Variants in SLC9A9 observed in about 807,000 individuals in gnomAD.
SLC9A9 encodes the protein solute carrier family 9 member A9, also known as sodium/hydrogen exchanger 9.
A neutral mutation model predicts 77.8 loss-of-function variants in SLC9A9; 62 were observed. The observed-to-expected ratio is 0.80, with a 90% CI of 0.65 to 0.98. The LOEUF (loss-of-function observed/expected upper bound fraction) is 0.98, where lower values mean the gene tolerates loss of function less well. SLC9A9 is among the 50% of genes least tolerant of loss of function. SLC9A9 has a pLI of 0.00. For missense variants in SLC9A9, 775 were observed against 774.9 expected, an observed-to-expected ratio of 1.00 and a Z score of 0.00; for synonymous variants, 320 against 283.5, an observed-to-expected ratio of 1.13 and a Z score of -1.29.
At chr3:143,673,693 C>T (rs1202477550) in intron 5 of SLC9A9, among the ~76,000 whole-genome samples, 1 of 151,734 alleles carries the variant, frequency 6.6e-6, no homozygotes, top group Non-Finnish European at 1.5e-5. Context: ...TAATCCAAAA[C>T]AGAGACTAGT....
At chr3:143,350,810 T>A (rs957061545) in intron 14 of SLC9A9, among the ~76,000 whole-genome samples, 2 of 152,316 alleles carry the variant, frequency 1.3e-5, no homozygotes, top group Admixed American at 6.5e-5. Flanking sequence ...TCAAACTCAT[T>A]GCTCTGTCCA....
chr3:143,564,395 A>G (rs2037135348), intron 8 of SLC9A9, among the ~76,000 whole-genome samples: 2 of 152,218 alleles, frequency 1.3e-5, no homozygotes, highest in African/African-American at 2.4e-5. Flanking sequence ...AATATTGATT[A>G]TATCACCAGA....
chr3:143,311,851 G>T (rs757989984), intron 14 of SLC9A9, among the ~76,000 whole-genome samples: 2 of 152,142 alleles, frequency 1.3e-5, no homozygotes, highest in Non-Finnish European at 2.9e-5. Context: ...GAAAAGTGAG[G>T]ACTGTTATTC....
chr3:143,518,486 T>G (rs1387132035), intron 9 of SLC9A9, among the ~76,000 whole-genome samples: 1 of 152,246 alleles, frequency 6.6e-6, no homozygotes, highest in Non-Finnish European at 1.5e-5. Context: ...TGCTCTTTAC[T>G]CCTCTGGGAT....
chr3:143,569,537 G>T (rs1017522475), intron 8 of SLC9A9, among the ~76,000 whole-genome samples: 1 of 152,020 alleles, frequency 6.6e-6, no homozygotes, highest in African/African-American at 2.4e-5. Context: ...ACTTTTAAAA[G>T]AAATTATACA....
At chr3:143,321,302 G>A (rs771701110) in intron 14 of SLC9A9, among the ~76,000 whole-genome samples, 1 of 152,216 alleles carries the variant, frequency 6.6e-6, no homozygotes, top group South Asian at 2.1e-4. Flanking sequence ...GAGCAAGGCA[G>A]TATGTTTTTA....
chr3:143,662,759 C>T (rs1395128583), intron 5 of SLC9A9, among the ~76,000 whole-genome samples: 1 of 152,004 alleles, frequency 6.6e-6, no homozygotes, highest in African/African-American at 2.4e-5. Flanking sequence ...GGAGGGGTGT[C>T]TGCCATTGCT....
intron 4 of SLC9A9, among the ~76,000 whole-genome samples, chr3:143,782,148 A>G (rs914192224): frequency 2.0e-5 from 3 of 152,242 alleles, no homozygotes; most frequent in Non-Finnish European, 4.4e-5. Context: ...TCTTGTGGAT[A>G]TGAATTATAC....
At chr3:143,520,698 C>G (rs2036281631) in intron 9 of SLC9A9, among the ~76,000 whole-genome samples, 1 of 152,110 alleles carries the variant, frequency 6.6e-6, no homozygotes, top group African/African-American at 2.4e-5. Context: ...TTCCCAAGAG[C>G]ACAAAACTAG....
intron 5 of SLC9A9, among the ~76,000 whole-genome samples, chr3:143,663,611 G>C (rs2039015776): frequency 6.6e-6 from 1 of 152,130 alleles, no homozygotes; most frequent in South Asian, 2.1e-4. Context: ...CCAGTGTAGA[G>C]AAGACCTTAA....
At chr3:143,572,930 CT>C (rs1301277120) in intron 8 of SLC9A9, among the ~76,000 whole-genome samples, 1 of 152,184 alleles carries the variant, frequency 6.6e-6, no homozygotes, top group Non-Finnish European at 1.5e-5. Context: ...CCTACCTACC[CT>C]TAGAGGTCCG....
chr3:143,312,518 C>G (rs530174879), intron 14 of SLC9A9, among the ~76,000 whole-genome samples: 28 of 152,346 alleles, frequency 1.8e-4, no homozygotes, highest in Admixed American at 1.2e-3. Flanking sequence ...CTTACCAGGC[C>G]AGAGGGTGAG....
chr3:143,518,032 C>G, intron 9 of SLC9A9: 1 of 1,436,340 alleles, frequency 7.0e-7, no homozygotes, highest in Non-Finnish European at 9.7e-7. Context: ...TTAAGTCTTC[C>G]TCCACCTTCT....
At chr3:143,777,679 A>C (rs2007735972) in intron 4 of SLC9A9, among the ~76,000 whole-genome samples, 1 of 151,344 alleles carries the variant, frequency 6.6e-6, no homozygotes, top group South Asian at 2.1e-4. Context: ...TTAGTTTATT[A>C]ATTAGTATTA....
intron 4 of SLC9A9, among the ~76,000 whole-genome samples, chr3:143,698,690 C>G (rs1458759107): frequency 2.0e-5 from 3 of 151,536 alleles, no homozygotes; most frequent in Non-Finnish European, 4.4e-5. Flanking sequence ...AGGAATCCTC[C>G]TCCTCCTCCC....
chr3:143,490,772 G>C (rs1390772024), intron 11 of SLC9A9, among the ~76,000 whole-genome samples: 1 of 152,084 alleles, frequency 6.6e-6, no homozygotes, highest in Non-Finnish European at 1.5e-5. Flanking sequence ...CCAATGAAAG[G>C]GCTCAGGAAG....
At chr3:143,795,467 A>C (rs1039569850) in intron 3 of SLC9A9, among the ~76,000 whole-genome samples, 3 of 111,224 alleles carry the variant, frequency 2.7e-5, no homozygotes, top group African/African-American at 2.7e-5. Context: ...TAGCATTAAA[A>C]CAACAACAAC....
At chr3:143,303,081 C>T (rs1481289866) in intron 14 of SLC9A9, among the ~76,000 whole-genome samples, 1 of 152,236 alleles carries the variant, frequency 6.6e-6, no homozygotes, top group African/African-American at 2.4e-5. Flanking sequence ...CAGTGTGACA[C>T]ACACGCTCTG....
chr3:143,461,618 T>A (rs2035193807), intron 12 of SLC9A9, among the ~76,000 whole-genome samples: 2 of 152,248 alleles, frequency 1.3e-5, no homozygotes, highest in South Asian at 4.1e-4. Flanking sequence ...GACATTAAAT[T>A]TATTGCTCAA....
Sources: allele counts gnomAD v4.1 joint callset (sites outside exome capture counted in the v4.1 genomes callset), GRCh38; gene constraint gnomAD v4.1.1; transcripts MANE v1.5; gene names NCBI Gene and HGNC (gene_info 2026-07-23, HGNC 2026-07-21).